ZNF335: variants seen among roughly 807,000 people sequenced by gnomAD.
The protein encoded by ZNF335 is NRC-interacting factor 1.
ZNF335 carries 84 observed loss-of-function variants against 145.6 expected under a neutral mutation model. That is an observed-to-expected ratio of 0.58 (90% confidence interval 0.48 to 0.69). The LOEUF (loss-of-function observed/expected upper bound fraction) is 0.69. ZNF335 is among the 30% of genes least tolerant of loss of function. The probability of loss-of-function intolerance (pLI) is 0.00; values close to 1 mark genes in which losing one functional copy is unlikely to be tolerated. For missense variants in ZNF335, 1,865 were observed against 1,809.7 expected (o/e 1.03, Z -0.55); for synonymous variants, 761 against 717.0 (o/e 1.06, Z -0.98).
intron 10 of ZNF335, 125 bp downstream of exon 10, chr20:45,961,945 T>C: frequency 1.3e-6 from 1 of 754,310 alleles, no homozygotes; most frequent in Non-Finnish European, 2.2e-6. Context: ...ATGCCTGTAG[T>C]GTGCAGCAAA....
At chr20:45,952,551 G>A (rs374858288) in intron 19 of ZNF335, 30 bp from the exon 20 acceptor site, 1 of 1,609,048 alleles carries the variant, frequency 6.2e-7, no homozygotes, top group African/African-American at 1.3e-5. Flanking sequence ...ATGAGGTACT[G>A]AGAAGGGGAG....
At chr20:45,967,347 C>T (rs535466610) in intron 6 of ZNF335, 147 bp downstream of exon 6, 4 of 1,268,236 alleles carry the variant, frequency 3.2e-6, no homozygotes, top group East Asian at 2.4e-5. Context: ...AGTCCTGGTC[C>T]CAGAGCACAA....
Position 45,967,560 on chromosome 20 carries a change from C to T in ZNF335, c.889G>A (p.Glu297Lys). The change falls in exon 6 of 28, where the codon GAA becomes AAA. Residue 297 changes from glutamate to lysine, a missense_variant. Coordinates refer to ENST00000322927, the MANE Select transcript of ZNF335 (RefSeq NM_022095.4). ...KWSTSTKSQE[E>K]EGPEEEDDDD... ...TCGTCCTCCTCCTCTGGTCCCTCTT[C>T]CTCTTGGCTCTTGGTGGAGGTGCTC... The T allele has an allele frequency of 1.9e-6, 3 of 1,614,110 alleles. No individual in the cohort carries two copies. Among genetic ancestry groups the T allele is most frequent in the South Asian group, 2.2e-5 (2 of 91,074 alleles).
At chr20:45,949,694 T>G in intron 24 of ZNF335, 106 bp downstream of exon 24, 1 of 1,470,962 alleles carries the variant, frequency 6.8e-7, no homozygotes, top group Non-Finnish European at 9.4e-7. Context: ...TTGGCAAGCA[T>G]GGACCCCAGG....
Position 45,968,114 on chromosome 20 carries a change from G to C in ZNF335, c.521-87C>G, listed in dbSNP as rs750821828. On this transcript the variant is annotated intron_variant, in intron 4 of 27. Coordinates refer to ENST00000322927, the MANE Select transcript of ZNF335 (RefSeq NM_022095.4). ...TAGCTACCCCTCCCAGGCAGGCCCA[G>C]GGAGTGCAGAACCAAATTCCCCACC... The C allele has an allele frequency of 2.5e-6, 4 of 1,571,828 alleles. No homozygotes were observed. In the South Asian group the frequency reaches 4.6e-5, roughly 18 times the overall value.
At position 45,962,052 on chromosome 20, in the gene ZNF335, T is replaced by TCCCCCC; in HGVS notation, c.1646+17_1646+18insGGGGGG. 1.1e-6 allele frequency: 1 copy of TCCCCCC among 894,208 alleles called. No individual in the cohort carries two copies. The allele number at this position is 894,208 out of a possible 1,614,324, so 55.4% of individuals were successfully genotyped here. A position where few individuals can be genotyped will look rare whatever the true frequency, so the allele number is the denominator to read the frequency against. ...ACCTGGCCTCTCTTGCCCAGGTCCC[T>TCCCCCC]CCCACCCCCACACTGACCGGTCCCG... On this transcript the variant is annotated intron_variant, in intron 10 of 27. Transcript: ENST00000322927.
rs2083646387 is a variant in ZNF335 at position 45,952,206 on chromosome 20, G to A, written c.3130C>T (p.Pro1044Ser). 1 of 1,612,880 alleles carries A rather than the reference G, an allele frequency of 6.2e-7. No homozygotes were observed. The highest frequency in any genetic ancestry group is 1.7e-4 in the Middle Eastern group (1 of 6,044). Residue 1044 changes from proline to serine, a missense_variant, in exon 20 of 28, where the codon CCT becomes TCT. Physicochemically the swap from Pro to Ser is moderately conservative, Grantham distance 74. Coordinates refer to ENST00000322927, the MANE Select transcript of ZNF335 (RefSeq NM_022095.4). ...CAGTCGGGGCACTTGAAGGCACCAG[G>A]CCCAGCGTGGGCCCGCTTGTGACTC... ...MESHKRAHAGPGAFKCPDCPF... is the reference protein window; with the variant it reads ...MESHKRAHAGSGAFKCPDCPF...
At chr20:45,968,103 A>T in intron 4 of ZNF335, 76 bp from the exon 5 acceptor site, 2 of 1,578,928 alleles carry the variant, frequency 1.3e-6, no homozygotes, top group South Asian at 2.3e-5. Context: ...TACCCCTCCC[A>T]GGCAGGCCCA....
At chr20:45,971,727 G>T (rs1600556640) in intron 1 of ZNF335, 1 of 985,472 alleles carries the variant, frequency 1.0e-6, no homozygotes, top group Non-Finnish European at 1.2e-6. Context: ...CTCGTGGAGC[G>T]TTCCGCTCTG....
Position 45,960,604 on chromosome 20 carries a change from G to A in ZNF335, c.1782+12C>T. ...GGCCCTCCTCTCAGCCCCAGCCCTGGCTCCCACCCACCTTGTCACACATGT... is the reference window on the plus strand; with the variant it reads ...GGCCCTCCTCTCAGCCCCAGCCCTGACTCCCACCCACCTTGTCACACATGT... On this transcript the variant is annotated intron_variant, in intron 12 of 27. Transcript: ENST00000322927. 6.2e-7 allele frequency: 1 copy of A among 1,614,022 alleles called. No homozygotes were observed. Among genetic ancestry groups the A allele is most frequent in the Non-Finnish European group, 8.5e-7 (1 of 1,179,952 alleles).
In ZNF335 at chr20:45,952,193, T is replaced by C. The variant is rs759396364; in HGVS notation, c.3143A>G (p.Lys1048Arg). ...KRAHAGPGAFKCPDCPFSARQ... is the reference protein window; with the variant it reads ...KRAHAGPGAFRCPDCPFSARQ... ...GGCACTGAAGGGGCAGTCGGGGCACTTGAAGGCACCAGGCCCAGCGTGGGC... is the reference window on the plus strand; with the variant it reads ...GGCACTGAAGGGGCAGTCGGGGCACCTGAAGGCACCAGGCCCAGCGTGGGC... Residue 1048 changes from lysine to arginine, a missense_variant, in exon 20 of 28, where the codon AAG becomes AGG. By Grantham distance (26) the Lys-to-Arg change is conservative (BLOSUM62 2). Transcript: ENST00000322927. 1 of 1,611,616 alleles carries C rather than the reference T, an allele frequency of 6.2e-7. No homozygotes were observed. The highest frequency in any genetic ancestry group is 8.5e-7 in the Non-Finnish European group (1 of 1,179,052).
intron 16 of ZNF335, 51 bp downstream of exon 16, chr20:45,957,784 C>A (rs778206585): frequency 6.2e-7 from 1 of 1,608,410 alleles, no homozygotes; most frequent in South Asian, 1.1e-5. Flanking sequence ...TGCCCCTGCC[C>A]AACTCAGAGG....
At chr20:45,957,723 T>C in intron 16 of ZNF335, 43 bp from the exon 17 acceptor site, 1 of 1,610,646 alleles carries the variant, frequency 6.2e-7, no homozygotes, top group East Asian at 2.2e-5. Context: ...GCTAGAAAAC[T>C]GGCACCCAAT....
intron 6 of ZNF335, chr20:45,967,224 C>T (rs531130813): frequency 2.0e-6 from 1 of 490,060 alleles, no homozygotes; most frequent in Middle Eastern, 5.7e-4. Flanking sequence ...GTCTGAGCAA[C>T]AGGGCGAGGA....
At chr20:45,957,026 G>A (rs1186074621) in intron 17 of ZNF335, among the ~76,000 whole-genome samples, 1 of 152,106 alleles carries the variant, frequency 6.6e-6, no homozygotes, top group Non-Finnish European at 1.5e-5. Context: ...ATGAGGCTGG[G>A]AAACAGGAGG....
chr20:45,950,619 G>T, intron 20 of ZNF335, 24 bp from the exon 21 acceptor site: 1 of 1,613,260 alleles, frequency 6.2e-7, no homozygotes, highest in Non-Finnish European at 8.5e-7. Context: ...AGAGTTGGGG[G>T]CATTGGCTGG....
At chr20:45,971,167 C>G in intron 2 of ZNF335, 43 bp downstream of exon 2, 1 of 1,475,512 alleles carries the variant, frequency 6.8e-7, no homozygotes, top group African/African-American at 1.4e-5. Flanking sequence ...CACTGCTGCT[C>G]GCGGTCCTTG....
rs1376095819 is a variant in ZNF335, at chr20:45,950,607, G to A, written c.3190-12C>T. The A allele has an allele frequency of 3.7e-6, 6 of 1,613,540 alleles. No homozygotes were observed. Among genetic ancestry groups the A allele is most frequent in the Non-Finnish European group, 4.2e-6 (5 of 1,179,844 alleles). ...TGTGCCATGTGCGCCTGCAGAGAGGGCAGAGTTGGGGGCATTGGCTGGGTC... is the reference window on the plus strand; with the variant it reads ...TGTGCCATGTGCGCCTGCAGAGAGGACAGAGTTGGGGGCATTGGCTGGGTC... On this transcript the variant is annotated splice_polypyrimidine_tract_variant and intron_variant, in intron 20 of 27. Transcript: ENST00000322927.
chr20:45,969,870 C>G, intron 2 of ZNF335, 179 bp from the exon 3 acceptor site: 1 of 736,874 alleles, frequency 1.4e-6, no homozygotes. Flanking sequence ...CAGAGTCCCC[C>G]AGGAAAAAGT....
Sources: allele counts gnomAD v4.1 joint callset (sites outside exome capture counted in the v4.1 genomes callset), GRCh38; gene constraint gnomAD v4.1.1; transcripts MANE v1.5; gene names NCBI Gene and HGNC (gene_info 2026-07-23, HGNC 2026-07-21).